WDR35: variants seen among roughly 807,000 people sequenced by gnomAD.
WDR35 encodes WD repeat domain 35.
Under a neutral mutation model 158.3 loss-of-function variants are expected in WDR35, and 118 were observed. The ratio of observed to expected loss-of-function variants is 0.75; its 90% confidence interval spans 0.64 to 0.87. WDR35 has a LOEUF of 0.87. WDR35 is among the 40% of genes least tolerant of loss of function. The probability of loss-of-function intolerance (pLI) is 0.00; values close to 1 mark genes in which losing one functional copy is unlikely to be tolerated. For missense variants in WDR35, 1,263 were observed against 1,405.8 expected (o/e 0.90, Z 1.62); for synonymous variants, 448 against 476.1 (o/e 0.94, Z 0.77).
At chr2:19,954,041 A>G (rs372607634) in intron 11 of WDR35, 63 bp from the exon 12 acceptor site, 2 of 1,600,722 alleles carry the variant, frequency 1.2e-6, no homozygotes, top group African/African-American at 2.7e-5. Flanking sequence ...TTGTGCTGCA[A>G]AGGCCTTTAG....
At chr2:19,922,557 G>A (rs6720011) in intron 25 of WDR35, among the ~76,000 whole-genome samples, 35,872 of 146,414 alleles carry the variant, frequency 0.25, 4,382 homozygotes, top group Non-Finnish European at 0.25. Flanking sequence ...ATCACACACC[G>A]GGGCCTGTAG....
chr2:19,988,619 C>G (rs535367722), intron 2 of WDR35, among the ~76,000 whole-genome samples: 134 of 152,306 alleles, frequency 8.8e-4, no homozygotes, highest in African/African-American at 3.1e-3. Context: ...ATTACCTTAT[C>G]TAGGTCTTCA....
At chr2:19,940,073 C>T (rs898815980) in intron 17 of WDR35, among the ~76,000 whole-genome samples, 1 of 150,552 alleles carries the variant, frequency 6.6e-6, no homozygotes, top group African/African-American at 2.4e-5. Context: ...CATCTTCTGG[C>T]TGGGCATGGT....
chr2:19,989,857 C>T lies in WDR35; in HGVS notation c.24+135G>A, dbSNP rs555975529. The stretch of plus-strand genomic sequence containing the variant: ...GGAAGAGGTCGGAGGCTGGACCCGG[C>T]GGGAAGGATGGCTGCGGAATGGCGA... On this transcript the variant is annotated intron_variant, in intron 1 of 26. Coordinates refer to ENST00000281405, the MANE Select transcript of WDR35 (RefSeq NM_020779.4). The T allele has an allele frequency of 2.6e-5, 38 of 1,436,706 alleles. No homozygotes were observed. The South Asian group carries it at 4.3e-4, about 16-fold the overall frequency. The allele number at this position is 1,436,706 out of a possible 1,614,324, so 89.0% of individuals were successfully genotyped here.
chr2:19,973,749 C>T (rs549759607), intron 7 of WDR35, 41 bp from the exon 8 acceptor site: 6 of 1,587,466 alleles, frequency 3.8e-6, no homozygotes, highest in Admixed American at 3.6e-5. Flanking sequence ...TGGGAAAATA[C>T]GTAGCCTAGA....
intron 8 of WDR35, among the ~76,000 whole-genome samples, chr2:19,971,762 G>A (rs1342816315): frequency 6.6e-6 from 1 of 152,156 alleles, no homozygotes; most frequent in Admixed American, 6.5e-5. Context: ...TCCATAAGAG[G>A]AGGAGAATAC....
At chr2:19,969,273 A>G (rs1173747585) in intron 9 of WDR35, among the ~76,000 whole-genome samples, 1 of 152,202 alleles carries the variant, frequency 6.6e-6, no homozygotes, top group Admixed American at 6.5e-5. Flanking sequence ...CTTTGAGTGT[A>G]CCATCTGTTT....
Position 19,932,294 on chromosome 2 carries a change from G to C in WDR35, c.2812C>G (p.Leu938Val), listed in dbSNP as rs1360723919. 6.2e-7 allele frequency: 1 copy of C among 1,613,174 alleles called. No homozygotes were observed. The highest frequency in any genetic ancestry group is 1.7e-5 in the Admixed American group (1 of 59,998). Residue 938 changes from leucine (L) to valine (V), a missense_variant, in exon 23 of 27, where the codon CTG (leucine) becomes GTG (valine). Transcript: ENST00000281405. ...KANYFFDAAK[L>V]MFKIADEEAK... ...GATTTTTACATTACCTTAAACATCAGTTTAGCTGCATCAAAAAAGTAATTG... is the reference window on the plus strand; with the variant it reads ...GATTTTTACATTACCTTAAACATCACTTTAGCTGCATCAAAAAAGTAATTG...
chr2:19,937,726 G>A lies in WDR35; in HGVS notation c.2267+17C>T. On this transcript the variant is annotated intron_variant, in intron 19 of 26. Coordinates refer to ENST00000281405, the MANE Select transcript of WDR35 (RefSeq NM_020779.4). ...ACTGATAGAGTACTCAGGGATGCCTGCGCCTTCATAACTTACCTTCTGTCC... is the reference window on the plus strand; with the variant it reads ...ACTGATAGAGTACTCAGGGATGCCTACGCCTTCATAACTTACCTTCTGTCC... 6.2e-7 allele frequency: 1 copy of A among 1,614,044 alleles called. No individual in the cohort carries two copies. The highest frequency in any genetic ancestry group is 8.5e-7 in the Non-Finnish European group (1 of 1,179,950).
rs1188283493 is a variant in WDR35 at position 19,937,732 on chromosome 2, T to G, written c.2267+11A>C. 1 of 1,614,000 alleles carries G rather than the reference T, an allele frequency of 6.2e-7. No homozygotes were observed. Among genetic ancestry groups the G allele is most frequent in the African/African-American group, 1.3e-5 (1 of 74,930 alleles). ...AGAGTACTCAGGGATGCCTGCGCCT[T>G]CATAACTTACCTTCTGTCCATCTCG... On this transcript the variant is annotated intron_variant, in intron 19 of 26. Coordinates refer to ENST00000281405, the MANE Select transcript of WDR35 (RefSeq NM_020779.4).
chr2:19,951,461 G>T lies in WDR35; in HGVS notation c.1424C>A (p.Pro475His). Reference protein sequence around the residue: ...RERIYHVDDTPSGSMDGVLDY... With the variant: ...RERIYHVDDTHSGSMDGVLDY... ...AAGCACACCATCCATTGATCCAGAAGGGGTATCATCAACATGATAAATTCT... is the reference window on the plus strand; with the variant it reads ...AAGCACACCATCCATTGATCCAGAATGGGTATCATCAACATGATAAATTCT... The change falls in exon 13 of 27, where the codon CCT becomes CAT. Residue 475 changes from proline (P) to histidine (H), a missense_variant. By Grantham distance (77) the Pro-to-His change is moderately conservative. Transcript: ENST00000281405. 6.2e-7 allele frequency: 1 copy of T among 1,611,428 alleles called. No individual in the cohort carries two copies. The highest frequency in any genetic ancestry group is 8.5e-7 in the Non-Finnish European group (1 of 1,178,514).
rs936831337 is a variant in WDR35, at chr2:19,966,714, A to G, written c.1194+10T>C. 1 of 1,613,386 alleles carries G rather than the reference A, an allele frequency of 6.2e-7. No individual in the cohort carries two copies. Among genetic ancestry groups the G allele is most frequent in the African/African-American group, 1.3e-5 (1 of 75,048 alleles). On this transcript the variant is annotated intron_variant, in intron 10 of 26. Coordinates refer to ENST00000281405, the MANE Select transcript of WDR35 (RefSeq NM_020779.4). The stretch of plus-strand genomic sequence containing the variant: ...CCCAGCTATGTCTTAAGATATCAAG[A>G]AACACCTACCTGAGGATGATTTTCA...
At chr2:19,922,051 T>C (rs1024211290) in intron 25 of WDR35, among the ~76,000 whole-genome samples, 4 of 152,142 alleles carry the variant, frequency 2.6e-5, no homozygotes, top group Non-Finnish European at 4.4e-5. Flanking sequence ...ATGGTGATCA[T>C]TAAAAAGTCA....
intron 10 of WDR35, among the ~76,000 whole-genome samples, chr2:19,964,381 C>CTTTTTTTTTTTTTTT (rs558586617): frequency 1.1e-3 from 126 of 113,422 alleles, no homozygotes; most frequent in African/African-American, 1.4e-3. Context: ...CTTTTCTTTT[C>CTTTTTTTTTTTTTTT]TTTTTTTTTT....
chr2:19,975,412 A>T, intron 6 of WDR35, 118 bp downstream of exon 6: 1 of 1,209,932 alleles, frequency 8.3e-7, no homozygotes, highest in Non-Finnish European at 1.1e-6. Context: ...AAAAATCTGA[A>T]TTGAAGACTT....
intron 15 of WDR35, 67 bp from the exon 16 acceptor site, chr2:19,946,063 T>A: frequency 6.7e-7 from 1 of 1,483,448 alleles, no homozygotes; most frequent in Non-Finnish European, 9.3e-7. Flanking sequence ...ATGAGAATAA[T>A]TACCTATAGC....
intron 11 of WDR35, among the ~76,000 whole-genome samples, chr2:19,956,428 G>A (rs1248725807): frequency 1.3e-5 from 2 of 152,044 alleles, no homozygotes; most frequent in African/African-American, 4.8e-5. Context: ...CAAATGACAG[G>A]CACTTGTTAA....
intron 10 of WDR35, among the ~76,000 whole-genome samples, chr2:19,962,496 G>C (rs1671695103): frequency 6.6e-6 from 1 of 151,716 alleles, no homozygotes; most frequent in Non-Finnish European, 1.5e-5. Flanking sequence ...GTTTTAAAGT[G>C]ATCATTTCAT....
chr2:19,979,671 G>A (rs1007702116), intron 4 of WDR35, among the ~76,000 whole-genome samples: 5 of 151,796 alleles, frequency 3.3e-5, no homozygotes, highest in African/African-American at 1.2e-4. Flanking sequence ...GCCCAGAGCA[G>A]GATAACAGAA....
Sources: gnomAD v4.1 joint callset for allele counts (sites outside exome capture counted in the v4.1 genomes callset) on GRCh38, gnomAD v4.1.1 for gene constraint, MANE v1.5 for transcripts, NCBI Gene and HGNC (gene_info 2026-07-23, HGNC 2026-07-21) for gene names.